Variants in SMAD2 observed in about 807,000 individuals in gnomAD.
SMAD2 encodes the protein MAD homolog 2.
SMAD2 carries 8 observed loss-of-function variants against 64.4 expected under a neutral mutation model. The observed-to-expected ratio is 0.12, with a 90% CI of 0.07 to 0.22. The LOEUF (loss-of-function observed/expected upper bound fraction) is 0.22. Ranked by LOEUF, SMAD2 falls within the 10% of genes least tolerant of loss-of-function variation. The pLI, the probability that SMAD2 is intolerant of heterozygous loss-of-function variation, is 1.00. For synonymous variants in SMAD2, 203 were observed against 195.8 expected, an observed-to-expected ratio of 1.04 and a Z score of -0.31; for missense variants, 289 against 561.2, an observed-to-expected ratio of 0.51 and a Z score of 4.90.
chr18:47,849,922 G>C (rs1471778020), intron 7 of SMAD2, among the ~76,000 whole-genome samples: 1 of 151,580 alleles, frequency 6.6e-6, no homozygotes, highest in South Asian at 2.1e-4. Context: ...GCAGAGAATT[G>C]CTTGAACCCA....
rs1040211291 is a variant in SMAD2 at position 47,823,779 on chromosome 18, T to C, written c.*18048A>G. On this transcript the variant is annotated 3_prime_UTR_variant, in exon 11 of 11. Transcript: ENST00000262160. ...GCCTAGGTTCAGGGCTCAAAACCAT[T>C]ATGCAAACTGGGATTGTCACATTAC... The C allele has an allele frequency of 6.6e-6, 1 of 152,218 alleles. No homozygotes were observed. Among genetic ancestry groups the C allele is most frequent in the African/African-American group, 2.4e-5 (1 of 41,456 alleles). 9.4% of individuals were successfully genotyped at this position (152,218 alleles called of 1,614,324 possible).
Position 47,823,062 on chromosome 18 carries a change from A to G in SMAD2, c.*18765T>C, listed in dbSNP as rs2144239013. 6.6e-6 allele frequency: 1 copy of G among 152,332 alleles called. No homozygotes were observed. Among genetic ancestry groups the G allele is most frequent in the South Asian group, 2.1e-4 (1 of 4,824 alleles). The allele number at this position is 152,332 out of a possible 1,614,324, so 9.4% of individuals were successfully genotyped here. A position where few individuals can be genotyped will look rare whatever the true frequency, so the allele number is the denominator to read the frequency against. On this transcript the variant is annotated 3_prime_UTR_variant, in exon 11 of 11. Transcript: ENST00000262160. Reference sequence around the variant, plus strand: ...AAATCGGCTCTCGTTATAACAGGATACAATTGGAAACACTGGTTGTATTAC... The same window carrying G: ...AAATCGGCTCTCGTTATAACAGGATGCAATTGGAAACACTGGTTGTATTAC...
intron 1 of SMAD2, among the ~76,000 whole-genome samples, chr18:47,899,824 TGCATACTGCATGTCACCC>T (rs1484999678): frequency 6.6e-6 from 1 of 152,210 alleles, no homozygotes; most frequent in Non-Finnish European, 1.5e-5. Context: ...CTTTCTAAAA[TGCATACTGCATGTCACCC>T]TACTACTAAA....
In SMAD2 at chr18:47,869,340, A is replaced by G. The variant is rs749306809; in HGVS notation, c.423T>C (p.His141=). 3.1e-6 allele frequency: 5 copies of G among 1,613,636 alleles called. No homozygotes were observed. The highest frequency in any genetic ancestry group is 4.2e-6 in the Non-Finnish European group (5 of 1,179,740). ...LWRWPDLHSH[H]ELKAIENCEY... ...CGCAGTTTTCAATTGCCTTGAGTTC[A>G]TGATGACTGTGAAGATCAGGCCAGC... The change falls in exon 4 of 11, where the codon CAT becomes CAC. Residue 141 remains histidine (H), a synonymous_variant. Transcript: ENST00000262160.
At chr18:47,915,624 C>T (rs970901597) in intron 1 of SMAD2, among the ~76,000 whole-genome samples, 16 of 152,202 alleles carry the variant, frequency 1.1e-4, no homozygotes, top group Non-Finnish European at 2.2e-4. Flanking sequence ...AGTATATACA[C>T]ACACACTTTG....
intron 8 of SMAD2, among the ~76,000 whole-genome samples, chr18:47,847,326 A>C (rs1914595971): frequency 6.6e-6 from 1 of 152,154 alleles, no homozygotes; most frequent in South Asian, 2.1e-4. Context: ...TATCAAAATC[A>C]CACTTTGATA....
intron 1 of SMAD2, among the ~76,000 whole-genome samples, chr18:47,913,031 T>C (rs2034201218): frequency 6.6e-6 from 1 of 152,102 alleles, no homozygotes; most frequent in African/African-American, 2.4e-5. Context: ...GCAGTTCTCC[T>C]GCCTCAGCCT....
At position 47,831,682 on chromosome 18, in the gene SMAD2, G is replaced by A. The variant is rs1387113777; in HGVS notation, c.*10145C>T. Reference sequence around the variant, plus strand: ...CTATTGTTCATTTATCACTGAATCTGTTATCTGCTAAGTCTGATTCAATGT... The same window carrying A: ...CTATTGTTCATTTATCACTGAATCTATTATCTGCTAAGTCTGATTCAATGT... On this transcript the variant is annotated 3_prime_UTR_variant, in exon 11 of 11. Transcript: ENST00000262160. 6.6e-6 allele frequency: 1 copy of A among 152,136 alleles called. No individual in the cohort carries two copies. The highest frequency in any genetic ancestry group is 1.5e-5 in the Non-Finnish European group (1 of 68,028). The allele number at this position is 152,136 out of a possible 1,614,324, so 9.4% of individuals were successfully genotyped here.
At position 47,840,334 on chromosome 18, in the gene SMAD2, T is replaced by C. The variant is rs749258292; in HGVS notation, c.*1493A>G. 5 of 232,760 alleles carry C rather than the reference T, an allele frequency of 2.1e-5. No homozygotes were observed. Among genetic ancestry groups the C allele is most frequent in the Non-Finnish European group, 4.2e-5 (5 of 117,858 alleles). 14.4% of individuals were successfully genotyped at this position (232,760 alleles called of 1,614,324 possible). A position where few individuals can be genotyped will look rare whatever the true frequency, so the allele number is the denominator to read the frequency against. Reference sequence around the variant, plus strand: ...CTACTAAGATGCAAACAAGAAGAAATGTTTAAACTGCAATGAGTCAACATC... The same window carrying C: ...CTACTAAGATGCAAACAAGAAGAAACGTTTAAACTGCAATGAGTCAACATC... On this transcript the variant is annotated 3_prime_UTR_variant, in exon 11 of 11. Coordinates refer to ENST00000262160, the MANE Select transcript of SMAD2 (RefSeq NM_005901.6).
At position 47,862,740 on chromosome 18, in the gene SMAD2, G is replaced by A. The variant is rs569543750; in HGVS notation, c.730+2319C>T. Among the ~76,000 whole-genome samples, 157 of 152,298 alleles carry A rather than the reference G, an allele frequency of 1.0e-3. 1 individual carries two copies. The highest frequency in any genetic ancestry group is 3.5e-3 in the African/African-American group (146 of 41,564). ...AGTCTCTTTGTGTATCTTGGACCAA[G>A]CACAGTGTATGTAGAAGATACAAAA... is the stretch of plus-strand genomic sequence containing the variant. On this transcript the variant is annotated intron_variant, in intron 6 of 10. Coordinates refer to ENST00000262160, the MANE Select transcript of SMAD2 (RefSeq NM_005901.6).
At chr18:47,885,207 T>A (rs913707591) in intron 2 of SMAD2, among the ~76,000 whole-genome samples, 1 of 148,572 alleles carries the variant, frequency 6.7e-6, no homozygotes, top group Non-Finnish European at 1.5e-5. Flanking sequence ...CCCAAGACAG[T>A]CTCTGTCACC....
In SMAD2 at chr18:47,868,465, A is replaced by C; in HGVS notation, c.521-8T>G. 2 of 1,610,600 alleles carry C rather than the reference A, an allele frequency of 1.2e-6. No homozygotes were observed. Among genetic ancestry groups the C allele is most frequent in the Non-Finnish European group, 1.7e-6 (2 of 1,178,408 alleles). On this transcript the variant is annotated splice_region_variant and splice_polypyrimidine_tract_variant and intron_variant, in intron 4 of 10. Transcript: ENST00000262160. ...CTAATACTGGAGGCAAAACTGAAAA[A>C]GTTCAAGAAATCCAAGTTAATGGCA...
rs1325628896 is a variant in SMAD2, at chr18:47,835,251, T to C, written c.*6576A>G. On this transcript the variant is annotated 3_prime_UTR_variant, in exon 11 of 11. Transcript: ENST00000262160. ...AAAGTACCAATTTGGGTTCTATATT[T>C]TGTCAAACAGTTGGGTTTTTAAAAA... 1.4e-5 allele frequency: 3 copies of C among 216,460 alleles called. No individual in the cohort carries two copies. The highest frequency in any genetic ancestry group is 2.8e-5 in the Non-Finnish European group (3 of 107,456). 13.4% of individuals were successfully genotyped at this position (216,460 alleles called of 1,614,324 possible).
intron 2 of SMAD2, among the ~76,000 whole-genome samples, chr18:47,881,873 TTTTGTTTG>T (rs540862304): frequency 2.0e-5 from 3 of 151,944 alleles, no homozygotes; most frequent in African/African-American, 2.4e-5. Flanking sequence ...TACATAGTTT[TTTTGTTTG>T]TTTGTTTGTT....
At chr18:47,910,091 A>T (rs2034065128) in intron 1 of SMAD2, among the ~76,000 whole-genome samples, 1 of 152,096 alleles carries the variant, frequency 6.6e-6, no homozygotes, top group Non-Finnish European at 1.5e-5. Context: ...CCTACTAGAG[A>T]AAACAGTATC....
Position 47,882,041 on chromosome 18 carries a change from CTTTTTTTTTTTTTTTTTTTTTTTT to C in SMAD2, c.237-11501_237-11478del, listed in dbSNP as rs71162900. ...CACAGGAATGTACTACCACGCTTGG[CTTTTTTTTTTTTTTTTTTTTTTTT>C]TTGTGGAGACAGAGTCTTATGTTGC... On this transcript the variant is annotated intron_variant, in intron 2 of 10. Coordinates refer to ENST00000262160, the MANE Select transcript of SMAD2 (RefSeq NM_005901.6). 4.4e-4 allele frequency among the ~76,000 whole-genome samples: 17 copies of C among 38,870 alleles called. No homozygotes were observed. The East Asian group carries it at 0.014, about 31-fold the overall frequency. The allele number at this position is 38,870 out of a possible 152,430, so 25.5% of individuals were successfully genotyped here. A position where few individuals can be genotyped will look rare whatever the true frequency, so the allele number is the denominator to read the frequency against.
chr18:47,901,969 A>T (rs1375743818), intron 1 of SMAD2, among the ~76,000 whole-genome samples: 1 of 152,158 alleles, frequency 6.6e-6, no homozygotes, highest in Non-Finnish European at 1.5e-5. Context: ...ACTCTCACCT[A>T]TTGTTCTCAA....
At chr18:47,907,644 T>G (rs1568105392) in intron 1 of SMAD2, among the ~76,000 whole-genome samples, 1 of 152,120 alleles carries the variant, frequency 6.6e-6, no homozygotes, top group Non-Finnish European at 1.5e-5. Flanking sequence ...CACACATGAG[T>G]ACAAGTTACC....
intron 1 of SMAD2, among the ~76,000 whole-genome samples, chr18:47,914,674 T>TAAAC (rs2034268461): frequency 3.3e-5 from 1 of 30,504 alleles, no homozygotes; most frequent in Non-Finnish European, 7.0e-5. Flanking sequence ...AAATTCCTAC[T>TAAAC]AAAGGTCTGA....
Sources: gnomAD v4.1 joint callset for allele counts (sites outside exome capture counted in the v4.1 genomes callset) on GRCh38, gnomAD v4.1.1 for gene constraint, MANE v1.5 for transcripts, NCBI Gene and HGNC (gene_info 2026-07-23, HGNC 2026-07-21) for gene names.